The following SPTBN2 variants were observed in gnomAD, a reference collection of about 807,000 sequenced individuals.
SPTBN2 encodes spectrin beta chain, non-erythrocytic 2.
Under a neutral mutation model 284.2 loss-of-function variants are expected in SPTBN2, and 107 were observed. The observed-to-expected ratio is 0.38, with a 90% CI of 0.32 to 0.44. The LOEUF (loss-of-function observed/expected upper bound fraction) is 0.44, where lower values mean the gene tolerates loss of function less well. Ranked by LOEUF, SPTBN2 falls within the 20% of genes least tolerant of loss-of-function variation. The pLI, the probability that SPTBN2 is intolerant of heterozygous loss-of-function variation, is 1.00. For synonymous variants in SPTBN2, 1,289 were observed against 1,354.8 expected, an observed-to-expected ratio of 0.95 and a Z score of 1.07; for missense variants, 2,569 against 3,287.1, an observed-to-expected ratio of 0.78 and a Z score of 5.34.
intron 29 of SPTBN2, 127 bp downstream of exon 29, chr11:66,689,678 A>C (rs1479062024): frequency 7.0e-7 from 1 of 1,419,402 alleles, no homozygotes; most frequent in Non-Finnish European, 9.8e-7. Flanking sequence ...AAACCCGTGA[A>C]TGGCACTGAG....
At position 66,714,339 on chromosome 11, in the gene SPTBN2, C is replaced by G. The variant is rs1942037180; in HGVS notation, c.552G>C (p.Leu184=). 6.2e-7 allele frequency: 1 copy of G among 1,613,960 alleles called. No homozygotes were observed. Residue 184 remains leucine, a synonymous_variant, in exon 6 of 38, where the codon CTG becomes CTC. Transcript: ENST00000533211. ...EKKSAKDALL[L]WCQMKTAGYP... is the part of the protein sequence containing the mutation. ...ACCCTGCAGTCTTCATCTGGCACCACAGAAGCAGGGCATCCTTGGCTGACT... is the reference window on the plus strand; with the variant it reads ...ACCCTGCAGTCTTCATCTGGCACCAGAGAAGCAGGGCATCCTTGGCTGACT...
chr11:66,697,579 C>A (rs1411803157), intron 20 of SPTBN2, among the ~76,000 whole-genome samples: 1 of 152,180 alleles, frequency 6.6e-6, no homozygotes. Context: ...GTTTTCTCTA[C>A]CTGGAAACAT....
At chr11:66,703,746 AG>A (rs1941373038) in intron 15 of SPTBN2, among the ~76,000 whole-genome samples, 2 of 152,024 alleles carry the variant, frequency 1.3e-5, no homozygotes, top group African/African-American at 2.4e-5. Context: ...CAAAAAAAAA[AG>A]AAATTCCTAA....
chr11:66,710,459 G>T lies in SPTBN2; in HGVS notation c.1073+123C>A. On this transcript the variant is annotated intron_variant, in intron 10 of 37. Coordinates refer to ENST00000533211, the MANE Select transcript of SPTBN2 (RefSeq NM_006946.4). The surrounding 1 kb of genome is among the most constrained non-coding windows in gnomAD (Gnocchi z 4.9). ...TCAACTATGTTGTTTGGATGCTTCT[G>T]GTGTGGGAAATCTCCACTGCATTTA... 3.1e-6 allele frequency: 3 copies of T among 954,104 alleles called. No homozygotes were observed. Among genetic ancestry groups the T allele is most frequent in the Non-Finnish European group, 4.8e-6 (3 of 619,010 alleles). 59.1% of individuals were successfully genotyped at this position (954,104 alleles called of 1,614,324 possible).
intron 19 of SPTBN2, 77 bp downstream of exon 19, chr11:66,698,915 C>T: frequency 6.2e-7 from 1 of 1,602,746 alleles, no homozygotes; most frequent in Non-Finnish European, 8.5e-7. Context: ...TCTCCGGTAC[C>T]TTGTGCTGGA....
rs150359739 is a variant in SPTBN2, at chr11:66,700,935, C to T, written c.3164G>A (p.Arg1055Gln). 4.1e-5 allele frequency: 66 copies of T among 1,603,346 alleles called. No individual in the cohort carries two copies. The highest frequency in any genetic ancestry group is 1.9e-4 in the African/African-American group (14 of 75,052). ...TGWEDLRATM[R>Q]RREESLGEAR... ...CTCCCCCAGCGACTCTTCTCGACGC[C>T]GCATGGTGGCCCTGAGGTCCTCCCA... Residue 1055 changes from arginine to glutamine, a missense_variant, in exon 17 of 38, where the codon CGG (arginine) becomes CAG (glutamine). Arg to Gln is a conservative substitution (Grantham distance 43, BLOSUM62 1). Transcript: ENST00000533211. This position sits in a 1 kb window ranked among gnomAD's most constrained non-coding sequence, Gnocchi z 6.6.
At chr11:66,712,403 C>T (rs867746221) in intron 8 of SPTBN2, among the ~76,000 whole-genome samples, 5 of 152,088 alleles carry the variant, frequency 3.3e-5, no homozygotes, top group East Asian at 3.8e-4. Context: ...AAAAATTAGC[C>T]GGGCGTGGTG....
rs34117933 is a variant in SPTBN2 at position 66,715,854 on chromosome 11, G to A, written c.285C>T (p.Leu95=). ...CCAGTATCTCTCCCGAGAGCACCTC[G>A]AGGAGCCTCAGCAGGTTGCGTCCGT... The part of the protein sequence containing the change: ...LRDGRNLLRL[L]EVLSGEILPK... The change falls in exon 4 of 38, where the codon CTC becomes CTT. Residue 95 remains leucine (L), a synonymous_variant. Transcript: ENST00000533211. The surrounding 1 kb of genome is among the most constrained non-coding windows in gnomAD (Gnocchi z 5.3). The A allele has an allele frequency of 1.7e-3, 2,737 of 1,613,864 alleles. 43 individuals carry two copies. In the African/African-American group the frequency reaches 0.031, roughly 18 times the overall value.
At chr11:66,686,598 A>G in intron 36 of SPTBN2, 158 bp from the exon 37 acceptor site, 1 of 812,718 alleles carries the variant, frequency 1.2e-6, no homozygotes, top group Admixed American at 2.0e-5. Flanking sequence ...CAGCTTCCCC[A>G]GACTGTGCAG....
intron 20 of SPTBN2, 144 bp from the exon 21 acceptor site, chr11:66,696,684 C>T (rs1233384249): frequency 8.6e-7 from 1 of 1,158,862 alleles, no homozygotes; most frequent in African/African-American, 1.5e-5. Flanking sequence ...TCGACACACT[C>T]TTCACGGAGG....
chr11:66,715,091 G>A lies in SPTBN2; in HGVS notation c.483+131C>T, dbSNP rs1013215373. On this transcript the variant is annotated intron_variant, in intron 5 of 37. Transcript: ENST00000533211. The surrounding 1 kb of genome is among the most constrained non-coding windows in gnomAD (Gnocchi z 5.3). ...ACTGATCTGGTGCTTGGATAGCGCC[G>A]CCATGGCAGCTGCTACATAAGGTTC... 1.4e-5 allele frequency: 17 copies of A among 1,195,328 alleles called. No homozygotes were observed. The highest frequency in any genetic ancestry group is 4.5e-5 in the African/African-American group (3 of 66,414). The allele number at this position is 1,195,328 out of a possible 1,614,324, so 74.0% of individuals were successfully genotyped here.
Position 66,688,085 on chromosome 11 carries a change from A to G in SPTBN2, c.6375-6T>C, listed in dbSNP as rs760030944. On this transcript the variant is annotated splice_region_variant and splice_polypyrimidine_tract_variant and intron_variant, in intron 32 of 37. Transcript: ENST00000533211. Reference sequence around the variant, plus strand: ...GTGGTGGCCGTGGCTGGGTTCTGGGATGACCAAAGGCAACACAGAATCATT... The same window carrying G: ...GTGGTGGCCGTGGCTGGGTTCTGGGGTGACCAAAGGCAACACAGAATCATT... The G allele has an allele frequency of 3.1e-6, 5 of 1,613,942 alleles. No individual in the cohort carries two copies. Among genetic ancestry groups the G allele is most frequent in the Non-Finnish European group, 2.5e-6 (3 of 1,179,998 alleles).
At chr11:66,701,500 A>G in intron 16 of SPTBN2, 84 bp downstream of exon 16, 1 of 1,604,132 alleles carries the variant, frequency 6.2e-7, no homozygotes, top group South Asian at 1.1e-5. Context: ...CCACCCTTCC[A>G]GGCCCTACAA....
rs34275473 is a variant in SPTBN2 at position 66,710,644 on chromosome 11, A to C, written c.1011T>G (p.Leu337=). Reference sequence around the variant, plus strand: ...ACTGCAGCTGGTTCTGGACCCCGCTAAGGGAGTTGGCCAACTGCCGGTCAT... The same window carrying C: ...ACTGCAGCTGGTTCTGGACCCCGCTCAGGGAGTTGGCCAACTGCCGGTCAT... ...TLNDRQLANS[L]SGVQNQLQSF... The change falls in exon 10 of 38, where the codon CTT becomes CTG. Residue 337 remains leucine, a synonymous_variant. Coordinates refer to ENST00000533211, the MANE Select transcript of SPTBN2 (RefSeq NM_006946.4). The surrounding 1 kb of genome is among the most constrained non-coding windows in gnomAD (Gnocchi z 4.9). The C allele has an allele frequency of 2.0e-3, 3,270 of 1,614,164 alleles. 72 individuals are homozygous for C. In the African/African-American group the frequency reaches 0.037, roughly 18 times the overall value.
chr11:66,730,380 A>C (rs1193714869), upstream of SPTBN2, among the ~76,000 whole-genome samples: 1 of 151,890 alleles, frequency 6.6e-6, no homozygotes, highest in Non-Finnish European at 1.5e-5. Flanking sequence ...TCAGGAGTTC[A>C]AGACCAGCCT....
rs201712933 is a variant in SPTBN2 at position 66,691,573 on chromosome 11, T to C, written c.5276A>G (p.Asn1759Ser). Reference sequence around the variant, plus strand: ...AGCATGGCCCCCAGCAATGAGCCCATTGGCCAGCGCATTGGCGCTATCTAC... The same window carrying C: ...AGCATGGCCCCCAGCAATGAGCCCACTGGCCAGCGCATTGGCGCTATCTAC... ...ERVDSANALANGLIAGGHAAR... is the reference protein window; with the variant it reads ...ERVDSANALASGLIAGGHAAR... Residue 1759 changes from asparagine to serine, a missense_variant, in exon 27 of 38, where the codon AAT becomes AGT. Coordinates refer to ENST00000533211, the MANE Select transcript of SPTBN2 (RefSeq NM_006946.4). This position sits in a 1 kb window ranked among gnomAD's most constrained non-coding sequence, Gnocchi z 8.0. 8.9e-5 allele frequency: 144 copies of C among 1,613,714 alleles called. 1 individual carries two copies. Among genetic ancestry groups the C allele is most frequent in the South Asian group, 7.2e-4 (66 of 91,088 alleles).
At chr11:66,698,602 G>C (rs375926345) in intron 20 of SPTBN2, 37 bp downstream of exon 20, 1 of 1,613,636 alleles carries the variant, frequency 6.2e-7, no homozygotes, top group African/African-American at 1.3e-5. Context: ...TACCATGGGG[G>C]ACTCTGCCCA....
chr11:66,689,782 C>T (rs1266415574), intron 29 of SPTBN2, 23 bp downstream of exon 29: 4 of 1,611,996 alleles, frequency 2.5e-6, no homozygotes, highest in Non-Finnish European at 8.5e-7. Context: ...TGAGAATGGC[C>T]CGGCCACCCA....
chr11:66,705,218 C>T lies in SPTBN2; in HGVS notation c.2058G>A (p.Leu686=), dbSNP rs1404321094. ...CCAGCCGGCCGCTCATCTCGCCCCG[C>T]AGGGCTGTGTGCTTGTTGAGCAGGC... The part of the protein sequence containing the change: ...ALRLLNKHTA[L]RGEMSGRLGP... The change falls in exon 15 of 38, where the codon CTG becomes CTA. Residue 686 remains leucine, a synonymous_variant. Transcript: ENST00000533211. The T allele has an allele frequency of 6.5e-7, 1 of 1,548,754 alleles. No individual in the cohort carries two copies. The highest frequency in any genetic ancestry group is 2.4e-5 in the East Asian group (1 of 41,376).
Sources: gnomAD v4.1 joint callset for allele counts (sites outside exome capture counted in the v4.1 genomes callset) on GRCh38, gnomAD v4.1.1 for gene constraint, Gnocchi (gnomAD v3.1) non-coding constraint, MANE v1.5 for transcripts, NCBI Gene and HGNC (gene_info 2026-07-23, HGNC 2026-07-21) for gene names.